TSGA10: variants seen among roughly 807,000 people sequenced by gnomAD.
TSGA10 encodes testis specific 10, also known as testis-specific gene 10 protein.
TSGA10 carries 43 observed loss-of-function variants against 96.6 expected under a neutral mutation model. The observed-to-expected ratio is 0.44, with a 90% confidence interval of 0.35 to 0.57. The LOEUF (loss-of-function observed/expected upper bound fraction) is 0.57. Among genes scored for constraint, TSGA10 ranks in the 20% least tolerant of loss-of-function variants. The pLI, the probability that TSGA10 is intolerant of heterozygous loss-of-function variation, is 0.01. For missense variants in TSGA10, 703 were observed against 834.4 expected (o/e 0.84, Z 1.94); for synonymous variants, 229 against 269.9 (o/e 0.85, Z 1.48).
chr2:99,092,789 C>CA (rs2089508417), intron 10 of TSGA10, among the ~76,000 whole-genome samples: 2 of 151,532 alleles, frequency 1.3e-5, no homozygotes, highest in South Asian at 4.2e-4. Context: ...AAATTGCCCA[C>CA]AAAAAAAGTC....
At chr2:99,119,374 C>A (rs1426521952) in intron 2 of TSGA10, among the ~76,000 whole-genome samples, 1 of 152,102 alleles carries the variant, frequency 6.6e-6, no homozygotes, top group East Asian at 1.9e-4. Context: ...ATTCCTATAA[C>A]CTTATGTTGC....
intron 16 of TSGA10, among the ~76,000 whole-genome samples, chr2:99,053,121 C>A (rs2083580848): frequency 6.6e-6 from 1 of 151,706 alleles, no homozygotes; most frequent in African/African-American, 2.4e-5. Flanking sequence ...AAAAATCTTA[C>A]ATCAAAAAAA....
intron 20 of TSGA10, among the ~76,000 whole-genome samples, chr2:99,006,535 C>G (rs2078491826): frequency 6.6e-6 from 1 of 152,146 alleles, no homozygotes; most frequent in Non-Finnish European, 1.5e-5. Context: ...CCAAAAGACA[C>G]ATGAAAAAAT....
chr2:99,013,263 A>G (rs551615459), intron 20 of TSGA10, among the ~76,000 whole-genome samples: 2 of 152,300 alleles, frequency 1.3e-5, no homozygotes, highest in Admixed American at 6.5e-5. Context: ...TTTAATTTCC[A>G]TCTTGATTTC....
Position 99,005,331 on chromosome 2 carries a change from A to C in TSGA10, c.2073-7110T>G, listed in dbSNP as rs150456061. 2.3e-3 allele frequency among the ~76,000 whole-genome samples: 353 copies of C among 152,330 alleles called. 10 individuals are homozygous for C. In the East Asian group the frequency reaches 0.062, roughly 27 times the overall value. On this transcript the variant is annotated intron_variant, in intron 20 of 20. Coordinates refer to ENST00000393483, the MANE Select transcript of TSGA10 (RefSeq NM_025244.4). ...AGAAAGAAACAAAGGGTATTCAAAT[A>C]GGAAAAGAGGAAGTCAAATTGGCCC... is the stretch of plus-strand genomic sequence containing the variant.
chr2:99,112,467 A>G (rs2091898930), intron 4 of TSGA10, among the ~76,000 whole-genome samples: 2 of 152,170 alleles, frequency 1.3e-5, no homozygotes, highest in Non-Finnish European at 1.5e-5. Context: ...TACTAGAAAA[A>G]GAAGAGCAGA....
intron 20 of TSGA10, among the ~76,000 whole-genome samples, chr2:99,016,356 A>T (rs1357366705): frequency 6.6e-6 from 1 of 152,206 alleles, no homozygotes; most frequent in Non-Finnish European, 1.5e-5. Flanking sequence ...CTTACAGCCA[A>T]CTGATTTTTG....
At chr2:99,003,001 G>C (rs2078079584) in intron 20 of TSGA10, among the ~76,000 whole-genome samples, 1 of 152,014 alleles carries the variant, frequency 6.6e-6, no homozygotes, top group Admixed American at 6.6e-5. Flanking sequence ...TGAGATTATA[G>C]GCAAGTGCCA....
In TSGA10 at chr2:99,071,755, T is replaced by C; in HGVS notation, c.1058A>G (p.Asp353Gly). Residue 353 changes from aspartate to glycine, a missense_variant, in exon 14 of 21, where the codon GAC (aspartate) becomes GGC (glycine). Transcript: ENST00000393483. ...AAACTGTTCCTGGAGATTGTCATTG[T>C]CATGAGCCAAGATATCTCTTTCCCT... The part of the protein sequence containing the change: ...IARERDILAH[D>G]NDNLQEQFAK... The C allele has an allele frequency of 6.2e-7, 1 of 1,614,058 alleles. No homozygotes were observed. The highest frequency in any genetic ancestry group is 1.1e-5 in the South Asian group (1 of 91,080).
intron 10 of TSGA10, among the ~76,000 whole-genome samples, chr2:99,096,306 T>C (rs2090029848): frequency 6.6e-6 from 1 of 152,222 alleles, no homozygotes; most frequent in Non-Finnish European, 1.5e-5. Context: ...TCTTGGCAAG[T>C]TGTTATACAC....
At chr2:99,132,427 A>G (rs2093134864) in intron 1 of TSGA10, among the ~76,000 whole-genome samples, 1 of 152,046 alleles carries the variant, frequency 6.6e-6, no homozygotes, top group Non-Finnish European at 1.5e-5. Flanking sequence ...AGACGTTTAT[A>G]GTATTCTCTG....
In TSGA10 at chr2:99,118,626, A is replaced by C; in HGVS notation, c.-431T>G. The C allele has an allele frequency of 1.0e-6, 1 of 984,908 alleles. No homozygotes were observed. The highest frequency in any genetic ancestry group is 1.2e-6 in the Non-Finnish European group (1 of 829,680). 61.0% of individuals were successfully genotyped at this position (984,908 alleles called of 1,614,324 possible). A position where few individuals can be genotyped will look rare whatever the true frequency, so the allele number is the denominator to read the frequency against. On this transcript the variant is annotated 5_prime_UTR_variant, in exon 3 of 21. Coordinates refer to ENST00000393483, the MANE Select transcript of TSGA10 (RefSeq NM_025244.4). ...GGAACACAGCTTTCCTTCCCAGCCC[A>C]CTATCAAACCATCAATGGATGAAGA...
At chr2:99,103,596 C>T (rs1383747425) in intron 10 of TSGA10, among the ~76,000 whole-genome samples, 2 of 152,184 alleles carry the variant, frequency 1.3e-5, no homozygotes, top group Admixed American at 6.5e-5. Context: ...ACTGCCAAAC[C>T]TGTGCTTTGT....
At chr2:99,019,154 A>G (rs1237998785) in intron 18 of TSGA10, among the ~76,000 whole-genome samples, 1 of 152,204 alleles carries the variant, frequency 6.6e-6, no homozygotes, top group African/African-American at 2.4e-5. Flanking sequence ...GTAATAAGGC[A>G]CAATATCATA....
chr2:99,048,417 A>T (rs189886158), intron 16 of TSGA10, among the ~76,000 whole-genome samples: 1 of 152,314 alleles, frequency 6.6e-6, no homozygotes, highest in Non-Finnish European at 1.5e-5. Context: ...AGGCCTCAGA[A>T]ATAACACCAC....
At chr2:99,097,776 G>T (rs1325877046) in intron 10 of TSGA10, among the ~76,000 whole-genome samples, 2 of 152,112 alleles carry the variant, frequency 1.3e-5, no homozygotes, top group East Asian at 3.8e-4. Context: ...AAAGATGTCA[G>T]ATTAAATTTT....
intron 5 of TSGA10, 161 bp from the exon 6 acceptor site, chr2:99,109,673 TACAAC>T: frequency 7.3e-6 from 3 of 413,270 alleles, no homozygotes; most frequent in Non-Finnish European, 1.1e-5. Context: ...ATTTTTTAAA[TACAAC>T]ATTTAAAAAA....
intron 10 of TSGA10, among the ~76,000 whole-genome samples, chr2:99,099,243 C>T (rs1252214977): frequency 5.9e-5 from 9 of 152,114 alleles, no homozygotes; most frequent in African/African-American, 1.7e-4. Flanking sequence ...TCCTGGGAGG[C>T]GGAGGTTGCG....
At chr2:99,143,717 C>A (rs2093601993) in intron 1 of TSGA10, among the ~76,000 whole-genome samples, 1 of 152,060 alleles carries the variant, frequency 6.6e-6, no homozygotes. Context: ...AGTGATCCAC[C>A]CACCTCAGCA....
Sources: gnomAD v4.1 joint callset for allele counts (sites outside exome capture counted in the v4.1 genomes callset) on GRCh38, gnomAD v4.1.1 for gene constraint, MANE v1.5 for transcripts, NCBI Gene and HGNC (gene_info 2026-07-23, HGNC 2026-07-21) for gene names.